Variants in NKX2-1 observed in about 807,000 individuals in gnomAD.
NKX2-1 encodes the protein homeobox protein Nkx-2.1.
Under a neutral mutation model 35.1 loss-of-function variants are expected in NKX2-1, and 9 were observed. The ratio of observed to expected loss-of-function variants is 0.26; its 90% CI spans 0.15 to 0.45. The LOEUF is 0.45. Among genes scored for constraint, NKX2-1 ranks in the 20% least tolerant of loss-of-function variants. The pLI, the probability that NKX2-1 is intolerant of heterozygous loss-of-function variation, is 1.00. For synonymous variants in NKX2-1, 284 were observed against 269.9 expected, an observed-to-expected ratio of 1.05 and a Z score of -0.51; for missense variants, 509 against 589.1, an observed-to-expected ratio of 0.86 and a Z score of 1.41.
chr14:36,517,245 A>C lies in NKX2-1; in HGVS notation c.*33T>G. 1 of 1,581,276 alleles carries C rather than the reference A, an allele frequency of 6.3e-7. No individual in the cohort carries two copies. The highest frequency in any genetic ancestry group is 1.3e-5 in the African/African-American group (1 of 74,798). On this transcript the variant is annotated 3_prime_UTR_variant, in exon 3 of 3. Transcript: ENST00000354822. ...GCGGGCAGGAGGGAAGCGGTGAGGC[A>C]GAGCGCTGGGCTAGGGCCGGCCCGG... is the stretch of plus-strand genomic sequence containing the variant.
chr14:36,518,129 G>A (rs1881136243), intron 2 of NKX2-1, 109 bp from the exon 3 acceptor site: 1 of 1,458,586 alleles, frequency 6.9e-7, no homozygotes, highest in Non-Finnish European at 9.3e-7. Context: ...GCGCCCTCCT[G>A]ACCCAGGCAG....
rs894877912 is a variant in NKX2-1 at position 36,519,804 on chromosome 14, G to A, written c.77+249C>T. ...CACCCCCACCCCCATTTTTTGTGGG[G>A]TACCAGCGGAGCGCGGGGAGGAGGT... On this transcript the variant is annotated intron_variant, in intron 1 of 2. Transcript: ENST00000354822. The A allele has an allele frequency of 2.8e-6, 4 of 1,414,484 alleles. No homozygotes were observed. The African/African-American group carries it at 5.7e-5, about 20-fold the overall frequency. 87.6% of individuals were successfully genotyped at this position (1,414,484 alleles called of 1,614,324 possible). A position where few individuals can be genotyped will look rare whatever the true frequency, so the allele number is the denominator to read the frequency against.
chr14:36,518,584 C>A (rs1284240357), intron 2 of NKX2-1, among the ~76,000 whole-genome samples: 1 of 152,170 alleles, frequency 6.6e-6, no homozygotes, highest in Non-Finnish European at 1.5e-5. Context: ...GGAGAGAGGG[C>A]CGGGCCGGGC....
chr14:36,520,080 C>G lies in NKX2-1; in HGVS notation c.50G>C (p.Gly17Ala), dbSNP rs1370565277. 3 of 1,612,870 alleles carry G rather than the reference C, an allele frequency of 1.9e-6. No individual in the cohort carries two copies. The highest frequency in any genetic ancestry group is 2.5e-6 in the Non-Finnish European group (3 of 1,179,882). ...GKARGWEAAA[G>A]GRSSPGRLSR... ...GAGCCTGCCGGGGCTGCTCCTCCCTCCCGCCGCGGCCTCCCAGCCCCGCGC... is the reference window on the plus strand; with the variant it reads ...GAGCCTGCCGGGGCTGCTCCTCCCTGCCGCCGCGGCCTCCCAGCCCCGCGC... The change falls in exon 1 of 3, where the codon GGA (glycine) becomes GCA (alanine). Residue 17 changes from glycine (G) to alanine (A), a missense_variant. Gly to Ala is a moderately conservative substitution (Grantham distance 60, BLOSUM62 0). This residue lies in a region of NKX2-1 where 271 missense variants were observed against 284.1 expected (regional missense o/e 0.95). Transcript: ENST00000354822.
Position 36,520,120 on chromosome 14 carries a change from C to A in NKX2-1, c.10G>T (p.Gly4Ter), listed in dbSNP as rs372925758. The part of the protein sequence containing the change: MWS[G>*]GSGKARGWEA... ...CAGCCCCGCGCCTTCCCACTGCCTC[C>A]GGACCACATCGGGCTTCGCTGCGCT... Residue 4 changes from glycine (G) to a stop codon, truncating the protein, a stop_gained, in exon 1 of 3, where the codon GGA (glycine) becomes TGA (stop). Coordinates refer to ENST00000354822, the MANE Select transcript of NKX2-1 (RefSeq NM_001079668.3). LOFTEE classifies it high-confidence loss of function. 8.7e-6 allele frequency: 14 copies of A among 1,613,078 alleles called. No homozygotes were observed. Among genetic ancestry groups the A allele is most frequent in the Non-Finnish European group, 1.2e-5 (14 of 1,179,914 alleles).
At position 36,520,159 on chromosome 14, in the gene NKX2-1, CA is replaced by C; in HGVS notation, c.-31del. On this transcript the variant is annotated 5_prime_UTR_variant, in exon 1 of 3. Transcript: ENST00000354822. ...CTTCGCTGCGCTGAGCCCCAGTCGC[CA>C]ACAAATGAGCGAGCGAGTCTGGGGA... is the stretch of plus-strand genomic sequence containing the variant. The C allele has an allele frequency of 6.2e-7, 1 of 1,611,652 alleles. No individual in the cohort carries two copies. The highest frequency in any genetic ancestry group is 8.5e-7 in the Non-Finnish European group (1 of 1,179,562).
At position 36,520,102 on chromosome 14, in the gene NKX2-1, G is replaced by T. The variant is rs1191018771; in HGVS notation, c.28C>A (p.Arg10=). The change falls in exon 1 of 3, where the codon CGG becomes AGG. Residue 10 remains arginine, a synonymous_variant. Transcript: ENST00000354822. ...CCTCCCGCCGCGGCCTCCCAGCCCC[G>T]CGCCTTCCCACTGCCTCCGGACCAC... The part of the protein sequence containing the change: MWSGGSGKA[R]GWEAAAGGRS... The T allele has an allele frequency of 6.2e-7, 1 of 1,613,160 alleles. No homozygotes were observed. The highest frequency in any genetic ancestry group is 8.5e-7 in the Non-Finnish European group (1 of 1,179,904).
intron 1 of NKX2-1, chr14:36,519,758 G>A (rs1306783704): frequency 1.4e-6 from 2 of 1,472,454 alleles, no homozygotes; most frequent in Non-Finnish European, 1.8e-6. Flanking sequence ...GAGACCCAAA[G>A]CATTTCCCCC....
chr14:36,517,645 G>T lies in NKX2-1; in HGVS notation c.839C>A (p.Ala280Asp). The stretch of plus-strand genomic sequence containing the variant: ...CACGCGTCGCGGCGACTGCTGCTGA[G>T]CCTGTTGCTGCTGCGGGCACCCGGT... ...GGTGCPQQQQ[A>D]QQQSPRRVAV... Residue 280 changes from alanine to aspartate, a missense_variant, in exon 3 of 3, where the codon GCT becomes GAT. Coordinates refer to ENST00000354822, the MANE Select transcript of NKX2-1 (RefSeq NM_001079668.3). 3 of 1,544,692 alleles carry T rather than the reference G, an allele frequency of 1.9e-6. No individual in the cohort carries two copies. Among genetic ancestry groups the T allele is most frequent in the Non-Finnish European group, 2.6e-6 (3 of 1,146,318 alleles).
In NKX2-1 at chr14:36,517,078, AC is replaced by A. The variant is rs1881054655; in HGVS notation, c.*199del. 1 of 1,013,334 alleles carries A rather than the reference AC, an allele frequency of 9.9e-7. No individual in the cohort carries two copies. Among genetic ancestry groups the A allele is most frequent in the Non-Finnish European group, 1.4e-6 (1 of 739,752 alleles). 62.8% of individuals were successfully genotyped at this position (1,013,334 alleles called of 1,614,324 possible). A position where few individuals can be genotyped will look rare whatever the true frequency, so the allele number is the denominator to read the frequency against. ...TCATTTTCTTTTTTTAAAAAAAAAA[AC>A]CCACAAATTTTAGGGGGGGAAAAAA... On this transcript the variant is annotated 3_prime_UTR_variant, in exon 3 of 3. Coordinates refer to ENST00000354822, the MANE Select transcript of NKX2-1 (RefSeq NM_001079668.3).
In NKX2-1 at chr14:36,520,037, A is replaced by C; in HGVS notation, c.77+16T>G. The C allele has an allele frequency of 2.5e-6, 4 of 1,612,850 alleles. No homozygotes were observed. The highest frequency in any genetic ancestry group is 3.4e-6 in the Non-Finnish European group (4 of 1,179,742). On this transcript the variant is annotated intron_variant, in intron 1 of 2. Transcript: ENST00000354822. ...CTTTAGGAGGAGGGGGCTGAGGGACAGGGTGGGGGTTTCACCTGAGCCTGC... is the reference window on the plus strand; with the variant it reads ...CTTTAGGAGGAGGGGGCTGAGGGACCGGGTGGGGGTTTCACCTGAGCCTGC...
At position 36,519,337 on chromosome 14, in the gene NKX2-1, G is replaced by A. The variant is rs758847127; in HGVS notation, c.111C>T (p.His37=). The stretch of plus-strand genomic sequence containing the variant: ...TGTCAGACACTGAGAACGGAGTCGT[G>A]TGCTTTGGACTCATCGACATGATTC... ...RRRIMSMSPK[H]TTPFSVSDIL... is the part of the protein sequence containing the mutation. Residue 37 remains histidine, a synonymous_variant, in exon 2 of 3, where the codon CAC becomes CAT. Transcript: ENST00000354822. 2.5e-6 allele frequency: 4 copies of A among 1,613,080 alleles called. No homozygotes were observed. The highest frequency in any genetic ancestry group is 2.2e-5 in the South Asian group (2 of 91,040).
At chr14:36,519,834 G>A in intron 1 of NKX2-1, 4 of 1,320,420 alleles carry the variant, frequency 3.0e-6, no homozygotes, top group Non-Finnish European at 4.1e-6. Flanking sequence ...GGAGGTGGAG[G>A]GGAGGGGAAG....
Position 36,517,951 on chromosome 14 carries a change from T to C in NKX2-1, c.533A>G (p.Asp178Gly), listed in dbSNP as rs1450665898. 6.2e-7 allele frequency: 1 copy of C among 1,601,988 alleles called. No homozygotes were observed. Among genetic ancestry groups the C allele is most frequent in the Non-Finnish European group, 8.5e-7 (1 of 1,179,684 alleles). ...CAGCGGGGCCATGTTCTTGCTCACGTCCCCCAGCGAGCCCAGGCCGCCCAT... is the reference window on the plus strand; with the variant it reads ...CAGCGGGGCCATGTTCTTGCTCACGCCCCCCAGCGAGCCCAGGCCGCCCAT... Reference protein sequence around the residue: ...SGMGGLGSLGDVSKNMAPLPS... With the variant: ...SGMGGLGSLGGVSKNMAPLPS... Residue 178 changes from aspartate to glycine, a missense_variant, in exon 3 of 3, where the codon GAC becomes GGC. Physicochemically the swap from Asp to Gly is moderately conservative, Grantham distance 94 (BLOSUM62 -1). Around this residue, in one of 5 missense-constraint regions of NKX2-1, gnomAD observed 271 missense variants for 284.1 expected, o/e 0.95. Coordinates refer to ENST00000354822, the MANE Select transcript of NKX2-1 (RefSeq NM_001079668.3).
Position 36,520,124 on chromosome 14 carries a change from C to A in NKX2-1, c.6G>T (p.Trp2Cys), listed in dbSNP as rs2139414887. 6.2e-7 allele frequency: 1 copy of A among 1,613,120 alleles called. No individual in the cohort carries two copies. Residue 2 changes from tryptophan (W) to cysteine (C), a missense_variant, in exon 1 of 3, where the codon TGG (tryptophan) becomes TGT (cysteine). By Grantham distance (215) the Trp-to-Cys change is radical (BLOSUM62 -2). Coordinates refer to ENST00000354822, the MANE Select transcript of NKX2-1 (RefSeq NM_001079668.3). The part of the protein sequence containing the change: M[W>C]SGGSGKARGW... ...CCCGCGCCTTCCCACTGCCTCCGGA[C>A]CACATCGGGCTTCGCTGCGCTGAGC...
chr14:36,519,960 C>A (rs1881271571), intron 1 of NKX2-1, 93 bp downstream of exon 1: 10 of 1,573,162 alleles, frequency 6.4e-6, no homozygotes, highest in Non-Finnish European at 8.7e-6. Flanking sequence ...TGCGGAGTTA[C>A]AAAGTGGAAC....
intron 1 of NKX2-1, 152 bp from the exon 2 acceptor site, chr14:36,519,522 A>G: frequency 2.6e-6 from 4 of 1,536,614 alleles, no homozygotes; most frequent in South Asian, 1.2e-5. Context: ...AGTCCTCCTT[A>G]ATTGGCTTGA....
chr14:36,518,119 G>C (rs1050147176), intron 2 of NKX2-1, 99 bp from the exon 3 acceptor site: 145 of 1,503,184 alleles, frequency 9.6e-5, no homozygotes, highest in Non-Finnish European at 1.3e-4. Flanking sequence ...CCAACCGACG[G>C]CGCCCTCCTG....
Position 36,516,817 on chromosome 14 carries a change from C to CAAACAAAAAAAAAA in NKX2-1, c.*460_*461insTTTTTTTTTTGTTT, listed in dbSNP as rs1881040460. 1 of 210,282 alleles carries CAAACAAAAAAAAAA rather than the reference C, an allele frequency of 4.8e-6. No homozygotes were observed. 13.0% of individuals were successfully genotyped at this position (210,282 alleles called of 1,614,324 possible). A position where few individuals can be genotyped will look rare whatever the true frequency, so the allele number is the denominator to read the frequency against. On this transcript the variant is annotated 3_prime_UTR_variant, in exon 3 of 3. Transcript: ENST00000354822. Reference sequence around the variant, plus strand: ...CTCTCCCCAGCTCCCGTCCTCCCTTCAAAAAAAAAAAAAAATCCTGGTATT... The same window carrying CAAACAAAAAAAAAA: ...CTCTCCCCAGCTCCCGTCCTCCCTTCAAACAAAAAAAAAAAAAAAAAAAAAAAAATCCTGGTATT...
Sources: gnomAD v4.1 joint callset for allele counts (sites outside exome capture counted in the v4.1 genomes callset) on GRCh38, gnomAD v4.1.1 for gene constraint, gnomAD v4.1.1 regional missense constraint, MANE v1.5 for transcripts, NCBI Gene and HGNC (gene_info 2026-07-23, HGNC 2026-07-21) for gene names.